PTPRM: variants seen among roughly 807,000 people sequenced by gnomAD.
PTPRM encodes protein tyrosine phosphatase receptor type M, also known as receptor-type tyrosine-protein phosphatase mu.
Under a neutral mutation model 186.7 loss-of-function variants are expected in PTPRM, and 47 were observed. The observed-to-expected ratio is 0.25, with a 90% CI of 0.20 to 0.32. The LOEUF (loss-of-function observed/expected upper bound fraction) is 0.32, where lower values mean the gene tolerates loss of function less well. Ranked by LOEUF, PTPRM falls within the 10% of genes least tolerant of loss-of-function variation. The pLI, the probability that PTPRM is intolerant of heterozygous loss-of-function variation, is 1.00. For missense variants in PTPRM, 1,494 were observed against 1,865.0 expected, an observed-to-expected ratio of 0.80 and a Z score of 3.66; for synonymous variants, 668 against 674.9, an observed-to-expected ratio of 0.99 and a Z score of 0.16.
rs551057711 is a variant in PTPRM, at chr18:8,314,054, G to A, written c.2843-727G>A. ...AGGAAATAATTGAGATACATCAATA[G>A]TATTTGCAGATAATTTTTTTTACCC... is the stretch of plus-strand genomic sequence containing the variant. On this transcript the variant is annotated intron_variant, in intron 20 of 32. Transcript: ENST00000580170. Among the ~76,000 whole-genome samples, 3 of 152,260 alleles carry A rather than the reference G, an allele frequency of 2.0e-5. No homozygotes were observed. The East Asian group carries it at 5.8e-4, about 29-fold the overall frequency.
intron 11 of PTPRM, among the ~76,000 whole-genome samples, chr18:8,092,662 A>C (rs961452208): frequency 6.6e-6 from 1 of 152,112 alleles, no homozygotes; most frequent in African/African-American, 2.4e-5. Flanking sequence ...GGGCACCTCA[A>C]ATGTGGAACT....
intron 11 of PTPRM, among the ~76,000 whole-genome samples, chr18:8,109,802 G>A (rs1374615639): frequency 6.6e-6 from 1 of 152,146 alleles, no homozygotes; most frequent in Non-Finnish European, 1.5e-5. Flanking sequence ...CTACGAGCCA[G>A]GTTAGGAGAG....
chr18:7,660,285 G>A (rs1409052412), intron 1 of PTPRM, among the ~76,000 whole-genome samples: 8 of 151,880 alleles, frequency 5.3e-5, no homozygotes, highest in Admixed American at 2.0e-4. Flanking sequence ...ACAGTGAGTC[G>A]AGATCATGCC....
At position 8,319,358 on chromosome 18, in the gene PTPRM, C is replaced by A. The variant is rs1474221276; in HGVS notation, c.2956+144C>A. ...GGCAGGTACACTCTTGCCTTCCCATCAGACATTCTGGTCATGTAAATCATT... is the reference window on the plus strand; with the variant it reads ...GGCAGGTACACTCTTGCCTTCCCATAAGACATTCTGGTCATGTAAATCATT... On this transcript the variant is annotated intron_variant, in intron 22 of 32. Coordinates refer to ENST00000580170, the MANE Select transcript of PTPRM (RefSeq NM_001105244.2). The A allele has an allele frequency of 6.9e-6, 4 of 577,374 alleles. No individual in the cohort carries two copies. In the South Asian group the frequency reaches 9.1e-5, roughly 13 times the overall value. 35.8% of individuals were successfully genotyped at this position (577,374 alleles called of 1,614,324 possible).
intron 5 of PTPRM, among the ~76,000 whole-genome samples, chr18:7,946,698 AAC>A (rs2052546556): frequency 6.6e-6 from 1 of 152,194 alleles, no homozygotes; most frequent in South Asian, 2.1e-4. Context: ...TAGTGAAAAA[AAC>A]ACACACAGAC....
rs538331290 is a variant in PTPRM at position 8,088,167 on chromosome 18, A to G, written c.1754-582A>G. Among the ~76,000 whole-genome samples, 13 of 152,262 alleles carry G rather than the reference A, an allele frequency of 8.5e-5. No homozygotes were observed. In the East Asian group the frequency reaches 1.9e-3, roughly 23 times the overall value. ...CAAAACACAGCAAAAAGTCAAACCC[A>G]AGCCTTTCTTATTTCAGTTCCTATG... On this transcript the variant is annotated intron_variant, in intron 10 of 32. Coordinates refer to ENST00000580170, the MANE Select transcript of PTPRM (RefSeq NM_001105244.2).
At chr18:7,979,606 AT>A (rs556384149) in intron 7 of PTPRM, among the ~76,000 whole-genome samples, 8 of 152,102 alleles carry the variant, frequency 5.3e-5, no homozygotes, top group South Asian at 2.1e-4. Flanking sequence ...TGCATTACAT[AT>A]TTTTTTCCAG....
intron 29 of PTPRM, among the ~76,000 whole-genome samples, chr18:8,382,143 T>C (rs779711288): frequency 1.1e-4 from 17 of 152,196 alleles, no homozygotes; most frequent in Non-Finnish European, 2.1e-4. Flanking sequence ...TGTAAAGGCT[T>C]TGCAATTCTA....
At chr18:8,260,899 T>C (rs1441316350) in intron 19 of PTPRM, among the ~76,000 whole-genome samples, 1 of 152,140 alleles carries the variant, frequency 6.6e-6, no homozygotes, top group Non-Finnish European at 1.5e-5. Context: ...AGAGGGAGAA[T>C]TGCACACACT....
intron 2 of PTPRM, among the ~76,000 whole-genome samples, chr18:7,840,221 C>T (rs532581582): frequency 6.6e-6 from 1 of 152,106 alleles, no homozygotes; most frequent in African/African-American, 2.4e-5. Flanking sequence ...ATTTTTGGTT[C>T]GTAAGAAGGT....
At position 8,253,339 on chromosome 18, in the gene PTPRM, C is replaced by A. The variant is rs144165055; in HGVS notation, c.2679C>A (p.Ile893=). 34 of 1,598,434 alleles carry A rather than the reference C, an allele frequency of 2.1e-5. No individual in the cohort carries two copies. The highest frequency in any genetic ancestry group is 3.5e-5 in the Admixed American group (2 of 57,894). The change falls in exon 19 of 33, where the codon ATC becomes ATA. Residue 893 remains isoleucine, a synonymous_variant. Transcript: ENST00000580170. ...AGACTGGGCAGCTCCACCCCGCCAT[C>A]CGGGTGGCAGACCTCCTTCAGCACA... ...PYQTGQLHPA[I]RVADLLQHIT...
At chr18:8,244,515 G>C (rs997153770) in intron 15 of PTPRM, among the ~76,000 whole-genome samples, 3 of 152,106 alleles carry the variant, frequency 2.0e-5, no homozygotes, top group Non-Finnish European at 2.9e-5. Flanking sequence ...CATCCTTCTT[G>C]TTGTTTAGAT....
At chr18:7,965,167 C>T (rs750582477) in intron 7 of PTPRM, among the ~76,000 whole-genome samples, 4 of 151,882 alleles carry the variant, frequency 2.6e-5, no homozygotes, top group African/African-American at 9.7e-5. Flanking sequence ...TGTGTCAGCC[C>T]CCCAAGTAGC....
intron 7 of PTPRM, among the ~76,000 whole-genome samples, chr18:8,013,320 G>A (rs2084655290): frequency 6.6e-6 from 1 of 152,074 alleles, no homozygotes; most frequent in South Asian, 2.1e-4. Context: ...TCTAACTTGT[G>A]GCTCCCCAAA....
intron 4 of PTPRM, among the ~76,000 whole-genome samples, chr18:7,917,181 G>A (rs1398534239): frequency 6.6e-6 from 1 of 152,186 alleles, no homozygotes; most frequent in East Asian, 1.9e-4. Flanking sequence ...ATTGTTATAA[G>A]CTTTTATGGA....
Position 8,040,626 on chromosome 18 carries a change from A to T in PTPRM, c.1133-29060A>T, listed in dbSNP as rs548881371. 2.6e-5 allele frequency among the ~76,000 whole-genome samples: 4 copies of T among 152,300 alleles called. No homozygotes were observed. In the South Asian group the frequency reaches 6.2e-4, roughly 24 times the overall value. On this transcript the variant is annotated intron_variant, in intron 7 of 32. Coordinates refer to ENST00000580170, the MANE Select transcript of PTPRM (RefSeq NM_001105244.2). ...TGCTACCTTTTAATCTCAAGTTTTT[A>T]AATTTTCACTTCTGTGTTCTATTGT...
chr18:8,190,753 A>G (rs2093699274), intron 14 of PTPRM, among the ~76,000 whole-genome samples: 1 of 152,244 alleles, frequency 6.6e-6, no homozygotes, highest in South Asian at 2.1e-4. Context: ...TAAAAGTAAT[A>G]TACAAGATGA....
chr18:8,041,676 A>G (rs1211450468), intron 7 of PTPRM, among the ~76,000 whole-genome samples: 4 of 152,226 alleles, frequency 2.6e-5, no homozygotes, highest in Non-Finnish European at 5.9e-5. Flanking sequence ...GCTTAAGCAG[A>G]TGAACAATCG....
intron 1 of PTPRM, among the ~76,000 whole-genome samples, chr18:7,771,151 G>A (rs2042253132): frequency 6.6e-6 from 1 of 152,124 alleles, no homozygotes. Context: ...TTTGTAAACC[G>A]GGTCTGTAGC....
Sources: allele counts gnomAD v4.1 joint callset (sites outside exome capture counted in the v4.1 genomes callset), GRCh38; gene constraint gnomAD v4.1.1; transcripts MANE v1.5; gene names NCBI Gene and HGNC (gene_info 2026-07-23, HGNC 2026-07-21).